SPMIP2: variants seen among roughly 807,000 people sequenced by gnomAD.
The protein encoded by SPMIP2 is protein SPMIP2.
At chr4:158,989,988 A>C in the SPMIP2 span, among the ~76,000 whole-genome samples, 2 of 152,352 alleles carry the variant, frequency 1.3e-5, no homozygotes, top group East Asian at 1.9e-4. Flanking sequence ...TCCATATGAC[A>C]AAGGGCTAAT....
the SPMIP2 span, among the ~76,000 whole-genome samples, chr4:158,994,781 G>A: frequency 4.6e-5 from 7 of 152,122 alleles, no homozygotes; most frequent in South Asian, 2.1e-4. Flanking sequence ...TAATGGGCAC[G>A]TCTGACATGT....
chr4:158,932,549 G>A, the SPMIP2 span, among the ~76,000 whole-genome samples: 3 of 152,058 alleles, frequency 2.0e-5, no homozygotes, highest in African/African-American at 7.2e-5. Context: ...AGTTTCCTTG[G>A]AGATAGTTTC....
chr4:158,911,369 A>C, the SPMIP2 span, among the ~76,000 whole-genome samples: 3 of 147,010 alleles, frequency 2.0e-5, no homozygotes, highest in Non-Finnish European at 4.4e-5. Context: ...TAAATAAATA[A>C]ATAAATAAAT....
At chr4:158,996,296 G>T in the SPMIP2 span, among the ~76,000 whole-genome samples, 531 of 152,242 alleles carry the variant, frequency 3.5e-3, 4 homozygotes, top group African/African-American at 0.012. Flanking sequence ...TTGCAACCAG[G>T]TGAATCCACA....
At chr4:158,974,918 C>T in the SPMIP2 span, among the ~76,000 whole-genome samples, 1 of 152,294 alleles carries the variant, frequency 6.6e-6, no homozygotes, top group African/African-American at 2.4e-5. Flanking sequence ...AATTTACACT[C>T]CCATCAACAG....
the SPMIP2 span, among the ~76,000 whole-genome samples, chr4:158,928,664 C>T: frequency 3.3e-5 from 5 of 152,142 alleles, no homozygotes; most frequent in South Asian, 2.1e-4. Flanking sequence ...GCAACCCGCT[C>T]GGGTACCCTT....
chr4:158,897,500 TTTG>T, the SPMIP2 span, among the ~76,000 whole-genome samples: 1 of 152,176 alleles, frequency 6.6e-6, no homozygotes, highest in African/African-American at 2.4e-5. Flanking sequence ...CTCTCAAGCA[TTTG>T]TTTTTTCCTG....
At chr4:158,957,704 C>T in the SPMIP2 span, among the ~76,000 whole-genome samples, 4 of 152,156 alleles carry the variant, frequency 2.6e-5, no homozygotes, top group East Asian at 1.9e-4. Flanking sequence ...GGATTACAGG[C>T]GTGAGCCACT....
At chr4:159,082,089 G>A in the SPMIP2 span, among the ~76,000 whole-genome samples, 4 of 150,204 alleles carry the variant, frequency 2.7e-5, no homozygotes, top group Non-Finnish European at 5.9e-5. Flanking sequence ...AGGAGAAGGC[G>A]AGCAGATCAC....
chr4:159,023,290 GA>G, the SPMIP2 span, among the ~76,000 whole-genome samples: 9 of 152,046 alleles, frequency 5.9e-5, no homozygotes, highest in Non-Finnish European at 2.9e-5. Flanking sequence ...CCAAAAAGTG[GA>G]AAAATGGCAA....
chr4:158,965,147 CAAG>C, the SPMIP2 span, among the ~76,000 whole-genome samples: 2 of 152,022 alleles, frequency 1.3e-5, no homozygotes, highest in Non-Finnish European at 2.9e-5. Context: ...CAAAACAAAA[CAAG>C]AACAAAACAA....
the SPMIP2 span, among the ~76,000 whole-genome samples, chr4:158,896,433 T>G: frequency 6.6e-6 from 1 of 152,226 alleles, no homozygotes; most frequent in Non-Finnish European, 1.5e-5. Context: ...CTAGGGGAAG[T>G]AATTCTTACT....
At chr4:158,911,375 TAAATA>T in the SPMIP2 span, among the ~76,000 whole-genome samples, 1 of 147,116 alleles carries the variant, frequency 6.8e-6, no homozygotes, top group African/African-American at 2.7e-5. Flanking sequence ...AATAAATAAA[TAAATA>T]AATAAAATAA....
the SPMIP2 span, among the ~76,000 whole-genome samples, chr4:158,926,899 C>T: frequency 6.6e-6 from 1 of 152,132 alleles, no homozygotes; most frequent in African/African-American, 2.4e-5. Flanking sequence ...CCACTGGATA[C>T]AATGTTCACC....
At chr4:159,046,077 C>G in the SPMIP2 span, among the ~76,000 whole-genome samples, 46,176 of 151,952 alleles carry the variant, frequency 0.3, 7,748 homozygotes, top group East Asian at 0.64. Context: ...TGGCGAAACT[C>G]TGTCTGCAAA....
At chr4:158,904,720 T>G in the SPMIP2 span, 2 of 596,486 alleles carry the variant, frequency 3.4e-6, no homozygotes, top group African/African-American at 3.7e-5. Flanking sequence ...AGACTTAGGT[T>G]TACTTGACAT....
At chr4:158,918,659 C>T in the SPMIP2 span, among the ~76,000 whole-genome samples, 1 of 152,016 alleles carries the variant, frequency 6.6e-6, no homozygotes, top group African/African-American at 2.4e-5. Context: ...ACACCAGAAG[C>T]AATAGAAAGT....
At chr4:159,009,321 A>T in the SPMIP2 span, among the ~76,000 whole-genome samples, 1 of 152,222 alleles carries the variant, frequency 6.6e-6, no homozygotes, top group Admixed American at 6.5e-5. Flanking sequence ...GGCCCACCTT[A>T]TATCTCCTAA....
chr4:158,960,325 G>A, the SPMIP2 span: 3 of 1,569,908 alleles, frequency 1.9e-6, no homozygotes, highest in South Asian at 3.4e-5. Flanking sequence ...ATCAAGAGAA[G>A]CTTGACTTAG....
Sources: allele counts gnomAD v4.1 joint callset (sites outside exome capture counted in the v4.1 genomes callset), GRCh38; gene constraint gnomAD v4.1.1; transcripts MANE v1.5; gene names NCBI Gene and HGNC (gene_info 2026-07-23, HGNC 2026-07-21).